WNT7B: variants seen among roughly 807,000 people sequenced by gnomAD.
The protein encoded by WNT7B is protein Wnt-7b.
WNT7B carries 19 observed loss-of-function variants against 38.2 expected under a neutral mutation model. That is an observed-to-expected ratio of 0.50 (90% CI 0.35 to 0.73). WNT7B has a LOEUF of 0.73. Ranked by LOEUF, WNT7B falls within the 30% of genes least tolerant of loss-of-function variation. The pLI is 0.01. For synonymous variants in WNT7B, 243 were observed against 209.3 expected (o/e 1.16, Z -1.39); for missense variants, 423 against 507.9 (o/e 0.83, Z 1.61).
At chr22:45,939,300 G>C (rs1013826744) in intron 2 of WNT7B, among the ~76,000 whole-genome samples, 14 of 152,198 alleles carry the variant, frequency 9.2e-5, no homozygotes, top group African/African-American at 3.4e-4. Flanking sequence ...ATACACTTCA[G>C]AGAAATGAAA....
chr22:45,923,943 C>T (rs562985278), intron 3 of WNT7B, among the ~76,000 whole-genome samples: 87 of 152,334 alleles, frequency 5.7e-4, no homozygotes, highest in African/African-American at 1.8e-3. Context: ...GCCGACAGCC[C>T]CGGCCCGCCC....
intron 1 of WNT7B, among the ~76,000 whole-genome samples, chr22:45,955,599 C>T (rs558308559): frequency 3.1e-4 from 47 of 152,248 alleles, no homozygotes; most frequent in East Asian, 7.7e-4. Context: ...ATGCTGGGAG[C>T]GGGGGCATTC....
At position 45,951,235 on chromosome 22, in the gene WNT7B, C is replaced by T. The variant is rs1292312544; in HGVS notation, c.72-1089G>A. Among the ~76,000 whole-genome samples, 2 of 152,118 alleles carry T rather than the reference C, an allele frequency of 1.3e-5. No homozygotes were observed. The highest frequency in any genetic ancestry group is 2.9e-5 in the Non-Finnish European group (2 of 68,028). On this transcript the variant is annotated intron_variant, in intron 1 of 3. Transcript: ENST00000339464. The surrounding 1 kb of genome is among the most constrained non-coding windows in gnomAD (Gnocchi z 4.8). ...TGTACTACAGTTGCCCACCACCACA[C>T]CCGGCTAATTTTTGTATTTTTAGTA...
chr22:45,952,489 G>A (rs1201403047), intron 1 of WNT7B, among the ~76,000 whole-genome samples: 5 of 152,228 alleles, frequency 3.3e-5, no homozygotes, highest in Admixed American at 3.3e-4. Context: ...TGGAATCTGG[G>A]GAATTCAGCC....
rs2146745098 is a variant in WNT7B at position 45,961,193 on chromosome 22, G to C, written c.72-11047C>G. Among the ~76,000 whole-genome samples, 3 of 152,352 alleles carry C rather than the reference G, an allele frequency of 2.0e-5. No homozygotes were observed. In the South Asian group the frequency reaches 6.2e-4, roughly 32 times the overall value. On this transcript the variant is annotated intron_variant, in intron 1 of 3. Coordinates refer to ENST00000339464, the MANE Select transcript of WNT7B (RefSeq NM_058238.3). ...CAGAGAGAATGAATAACAGGTCTGG[G>C]CTCAACAGCTGGTGCCCCGTCCTTT...
At chr22:45,945,238 C>T (rs1184336118) in intron 2 of WNT7B, among the ~76,000 whole-genome samples, 6 of 152,130 alleles carry the variant, frequency 3.9e-5, no homozygotes, top group South Asian at 2.1e-4. Flanking sequence ...CATGTGCCAC[C>T]ACACTCAGCT....
In WNT7B at chr22:45,929,691, TCCA is replaced by T. The variant is rs1410902987; in HGVS notation, c.570+1404_570+1406del. On this transcript the variant is annotated intron_variant, in intron 3 of 3. Transcript: ENST00000339464. ...GCCCATCCTTCCCTCCATACTTCCATCCACCCATCTTTCCATCCACCCGTGAAT... is the reference window on the plus strand; with the variant it reads ...GCCCATCCTTCCCTCCATACTTCCATCCCATCTTTCCATCCACCCGTGAAT... 5.0e-3 allele frequency among the ~76,000 whole-genome samples: 645 copies of T among 127,858 alleles called. 4 individuals are homozygous for T. Among genetic ancestry groups the T allele is most frequent in the African/African-American group, 0.02 (607 of 30,312 alleles). The allele number at this position is 127,858 out of a possible 152,430, so 83.9% of individuals were successfully genotyped here.
chr22:45,954,059 T>C (rs551981441), intron 1 of WNT7B, among the ~76,000 whole-genome samples: 1 of 152,304 alleles, frequency 6.6e-6, no homozygotes, highest in South Asian at 2.1e-4. Context: ...ATCTATACAA[T>C]GGAACATTAT....
intron 3 of WNT7B, among the ~76,000 whole-genome samples, chr22:45,928,552 G>C (rs1466750560): frequency 6.6e-6 from 1 of 151,994 alleles, no homozygotes; most frequent in Non-Finnish European, 1.5e-5. Flanking sequence ...GGCATCATCA[G>C]AGCCCTTTCC....
chr22:45,946,338 C>T (rs1421185408), intron 2 of WNT7B, among the ~76,000 whole-genome samples: 1 of 152,224 alleles, frequency 6.6e-6, no homozygotes, highest in African/African-American at 2.4e-5. Flanking sequence ...CCTGGGTCAC[C>T]CCCTCCGGGA....
At chr22:45,970,384 T>G (rs894679841) in intron 1 of WNT7B, among the ~76,000 whole-genome samples, 1 of 152,180 alleles carries the variant, frequency 6.6e-6, no homozygotes, top group Non-Finnish European at 1.5e-5. Flanking sequence ...CAGGCCCGGA[T>G]GAGGGGCCAG....
intron 3 of WNT7B, chr22:45,926,397 G>T (rs1931083912): frequency 1.0e-6 from 1 of 985,244 alleles, no homozygotes; most frequent in Non-Finnish European, 1.2e-6. Flanking sequence ...GTTGGGCAGG[G>T]GGGTGGTGGA....
chr22:45,929,673 CTTCCCTCCAT>C (rs1931245086), intron 3 of WNT7B, among the ~76,000 whole-genome samples: 4 of 119,852 alleles, frequency 3.3e-5, no homozygotes, highest in African/African-American at 1.3e-4. Context: ...CCCGCCCATC[CTTCCCTCCAT>C]ACTTCCATCC....
intron 3 of WNT7B, among the ~76,000 whole-genome samples, chr22:45,930,495 C>A (rs1002472775): frequency 4.6e-5 from 7 of 152,216 alleles, no homozygotes; most frequent in South Asian, 4.1e-4. Flanking sequence ...GGGCCCTCAT[C>A]TCCAGTGGGC....
chr22:45,972,006 G>T (rs543178050), intron 1 of WNT7B: 1 of 448,536 alleles, frequency 2.2e-6, no homozygotes, highest in Non-Finnish European at 3.9e-6. Flanking sequence ...CTGGCGAGGC[G>T]ACCTAAAGTC....
rs987977925 is a variant in WNT7B, at chr22:45,927,250, T to A, written c.570+3848A>T. ...GTCTCCAAAACCTCAGGGGCTGCTC[T>A]GACAGTTTTCCGCACAGGCACCCTG... On this transcript the variant is annotated intron_variant, in intron 3 of 3. Coordinates refer to ENST00000339464, the MANE Select transcript of WNT7B (RefSeq NM_058238.3). The A allele has an allele frequency of 6.8e-5, 67 of 985,288 alleles. 1 individual carries two copies. The highest frequency in any genetic ancestry group is 7.5e-5 in the Non-Finnish European group (62 of 829,920). The allele number at this position is 985,288 out of a possible 1,614,324, so 61.0% of individuals were successfully genotyped here.
chr22:45,957,104 CAAAAAAAA>C (rs34329899), intron 1 of WNT7B, among the ~76,000 whole-genome samples: 1 of 80,706 alleles, frequency 1.2e-5, no homozygotes, highest in African/African-American at 4.4e-5. Context: ...GACTCTGTCT[CAAAAAAAA>C]AAAAAAAAAA....
At chr22:45,931,037 A>C in intron 3 of WNT7B, 61 bp downstream of exon 3, 1 of 1,496,596 alleles carries the variant, frequency 6.7e-7, no homozygotes, top group South Asian at 1.3e-5. Context: ...AGGCTCCGAG[A>C]GGTCAGCGGG....
intron 1 of WNT7B, among the ~76,000 whole-genome samples, chr22:45,961,712 C>G (rs1479543124): frequency 6.6e-6 from 1 of 152,220 alleles, no homozygotes; most frequent in Non-Finnish European, 1.5e-5. Flanking sequence ...TCTGCTCCTC[C>G]CTGCCCCTCC....
Sources: gnomAD v4.1 joint callset for allele counts (sites outside exome capture counted in the v4.1 genomes callset) on GRCh38, gnomAD v4.1.1 for gene constraint, Gnocchi (gnomAD v3.1) non-coding constraint, MANE v1.5 for transcripts, NCBI Gene and HGNC (gene_info 2026-07-23, HGNC 2026-07-21) for gene names.